The following CACNB4 variants were observed in gnomAD, a reference collection of about 807,000 sequenced individuals.
CACNB4 encodes calcium voltage-gated channel auxiliary subunit beta 4.
In CACNB4, 32 loss-of-function variants were observed where a neutral mutation model predicts 71.2. The ratio of observed to expected loss-of-function variants is 0.45; its 90% CI spans 0.34 to 0.60. CACNB4 has a LOEUF of 0.60. CACNB4 is among the 20% of genes least tolerant of loss of function. The pLI is 0.01. For synonymous variants in CACNB4, 231 were observed against 236.9 expected (o/e 0.97, Z 0.23); for missense variants, 464 against 647.9 (o/e 0.72, Z 3.08).
chr2:151,873,746 T>C (rs1330919698), intron 5 of CACNB4: 3 of 152,106 alleles, frequency 2.0e-5, no homozygotes, highest in Admixed American at 6.5e-5. Context: ...CAGGAACACA[T>C]GCTCCCCATG....
intron 4 of CACNB4, among the ~76,000 whole-genome samples, chr2:151,878,826 AC>A (rs949028540): frequency 3.3e-5 from 5 of 152,142 alleles, no homozygotes. Context: ...TGGGAGGATC[AC>A]TTGAGCCCAG....
chr2:151,992,341 CG>C (rs1681755431), intron 2 of CACNB4, among the ~76,000 whole-genome samples: 1 of 152,222 alleles, frequency 6.6e-6, no homozygotes, highest in African/African-American at 2.4e-5. Context: ...TCAAAAAGCA[CG>C]ATTTCCTTCA....
Position 151,889,485 on chromosome 2 carries a change from AAGTT to A in CACNB4, c.148-6119_148-6116del, listed in dbSNP as rs1422434705. Among the ~76,000 whole-genome samples, 3 of 151,498 alleles carry A rather than the reference AAGTT, an allele frequency of 2.0e-5. No homozygotes were observed. In the East Asian group the frequency reaches 5.8e-4, roughly 29 times the overall value. ...TGTCTCAAAAAAAAAAAAAAAAAAA[AAGTT>A]GCATTAAGTGGACTAAGCGATCATG... On this transcript the variant is annotated intron_variant, in intron 2 of 13. Coordinates refer to ENST00000539935, the MANE Select transcript of CACNB4 (RefSeq NM_000726.5).
chr2:152,066,443 G>C (rs566541887), intron 2 of CACNB4, among the ~76,000 whole-genome samples: 2 of 152,104 alleles, frequency 1.3e-5, no homozygotes, highest in Non-Finnish European at 2.9e-5. Context: ...ACCACAATGA[G>C]ATACCATTTC....
chr2:152,039,279 T>G (rs1684755403), intron 2 of CACNB4, among the ~76,000 whole-genome samples: 1 of 151,926 alleles, frequency 6.6e-6, no homozygotes, highest in African/African-American at 2.4e-5. Flanking sequence ...TAGCCAGGTG[T>G]GGTGGTGGGT....
intron 2 of CACNB4, among the ~76,000 whole-genome samples, chr2:152,013,915 C>G (rs927437754): frequency 1.1e-4 from 16 of 152,208 alleles, no homozygotes; most frequent in African/African-American, 3.9e-4. Flanking sequence ...ACGGCTCTTT[C>G]ACTTAGCAGT....
At chr2:151,984,845 G>T (rs969871778) in intron 2 of CACNB4, among the ~76,000 whole-genome samples, 1 of 152,132 alleles carries the variant, frequency 6.6e-6, no homozygotes, top group East Asian at 1.9e-4. Context: ...CTCATATTTC[G>T]TATTTCAGCC....
At chr2:151,842,864 A>C (rs1323653698) in intron 12 of CACNB4, among the ~76,000 whole-genome samples, 2 of 152,200 alleles carry the variant, frequency 1.3e-5, no homozygotes, top group Non-Finnish European at 2.9e-5. Flanking sequence ...TCCTAAGGTA[A>C]CTATGTTGAA....
At chr2:151,890,822 A>C (rs2099850553) in intron 2 of CACNB4, among the ~76,000 whole-genome samples, 3 of 152,196 alleles carry the variant, frequency 2.0e-5, no homozygotes, top group Admixed American at 1.3e-4. Context: ...TCTGTAGGCT[A>C]CCAAGGTTTT....
intron 2 of CACNB4, among the ~76,000 whole-genome samples, chr2:152,016,078 T>C (rs1353038353): frequency 6.6e-6 from 1 of 152,240 alleles, no homozygotes; most frequent in African/African-American, 2.4e-5. Flanking sequence ...CCAATTGCTA[T>C]AGTATTAGAA....
At chr2:152,078,065 G>A (rs113505624) in intron 2 of CACNB4, among the ~76,000 whole-genome samples, 3 of 152,312 alleles carry the variant, frequency 2.0e-5, no homozygotes, top group East Asian at 1.9e-4. Context: ...CAGGAGGAGC[G>A]ATGGAGGGAG....
chr2:152,001,338 T>C (rs1392680444), intron 2 of CACNB4, among the ~76,000 whole-genome samples: 2 of 151,578 alleles, frequency 1.3e-5, no homozygotes, highest in South Asian at 2.1e-4. Flanking sequence ...GGCAGGGAGA[T>C]GAAATGTGTA....
chr2:152,008,891 C>T (rs552307040), intron 2 of CACNB4, among the ~76,000 whole-genome samples: 3 of 152,252 alleles, frequency 2.0e-5, no homozygotes, highest in South Asian at 4.1e-4. Flanking sequence ...AGCACTAGCA[C>T]GGGGAAAGGC....
At chr2:152,052,005 C>A (rs1018148158) in intron 2 of CACNB4, among the ~76,000 whole-genome samples, 1 of 152,230 alleles carries the variant, frequency 6.6e-6, no homozygotes, top group African/African-American at 2.4e-5. Context: ...ATAGTGTTAG[C>A]ATAATATTTT....
intron 2 of CACNB4, among the ~76,000 whole-genome samples, chr2:152,010,306 A>G (rs1478104461): frequency 1.3e-5 from 2 of 152,232 alleles, no homozygotes; most frequent in Non-Finnish European, 2.9e-5. Flanking sequence ...TGTTCTAGAC[A>G]TGGCAAGCGT....
intron 9 of CACNB4, chr2:151,867,955 T>C (rs905980147): frequency 2.0e-5 from 3 of 152,228 alleles, no homozygotes; most frequent in African/African-American, 4.8e-5. Context: ...CTACACATTT[T>C]GGGGTCTATT....
At chr2:151,899,667 T>G (rs1168333180) in intron 2 of CACNB4, among the ~76,000 whole-genome samples, 1 of 152,200 alleles carries the variant, frequency 6.6e-6, no homozygotes, top group East Asian at 1.9e-4. Flanking sequence ...CGCTAGGTAC[T>G]AGGTACCCCA....
chr2:151,971,366 C>T (rs1234683593), intron 2 of CACNB4: 54 of 617,204 alleles, frequency 8.7e-5, no homozygotes, highest in Admixed American at 2.2e-4. Flanking sequence ...CAGCACAGAA[C>T]GGTAGGACAT....
chr2:151,919,042 G>T (rs1239972661), intron 2 of CACNB4, among the ~76,000 whole-genome samples: 1 of 152,142 alleles, frequency 6.6e-6, no homozygotes, highest in Non-Finnish European at 1.5e-5. Context: ...CCAACCACAG[G>T]GGTAAGTTCT....
Sources: allele counts gnomAD v4.1 joint callset (sites outside exome capture counted in the v4.1 genomes callset), GRCh38; gene constraint gnomAD v4.1.1; transcripts MANE v1.5; gene names NCBI Gene and HGNC (gene_info 2026-07-23, HGNC 2026-07-21).